GRM5: variants seen among roughly 807,000 people sequenced by gnomAD.
GRM5 encodes the protein glutamate metabotropic receptor 5.
In GRM5, 19 loss-of-function variants were observed where a neutral mutation model predicts 83.1. That is an observed-to-expected ratio of 0.23 (90% confidence interval 0.16 to 0.34). GRM5 has a LOEUF of 0.34. Ranked by LOEUF, GRM5 falls within the 10% of genes least tolerant of loss-of-function variation. The pLI is 1.00. For missense variants in GRM5, 1,160 were observed against 1,588.3 expected (o/e 0.73, Z 4.58); for synonymous variants, 675 against 633.6 (o/e 1.07, Z -0.98).
At chr11:88,928,144 A>G (rs1249511348) in intron 2 of GRM5, among the ~76,000 whole-genome samples, 1 of 152,160 alleles carries the variant, frequency 6.6e-6, no homozygotes, top group Non-Finnish European at 1.5e-5. Context: ...GGTAAAAGGC[A>G]TCTGATTCTC....
At chr11:89,058,124 G>T (rs982231888) in intron 1 of GRM5, among the ~76,000 whole-genome samples, 1 of 152,132 alleles carries the variant, frequency 6.6e-6, no homozygotes, top group Non-Finnish European at 1.5e-5. Flanking sequence ...CTCATGCATT[G>T]ATTGCAAAGC....
At chr11:88,590,026 A>C (rs564574037) in intron 7 of GRM5, among the ~76,000 whole-genome samples, 1 of 152,300 alleles carries the variant, frequency 6.6e-6, no homozygotes, top group South Asian at 2.1e-4. Flanking sequence ...CATATTCTTT[A>C]ACATCTGTTG....
chr11:89,039,621 G>T (rs935148655), intron 2 of GRM5, among the ~76,000 whole-genome samples: 2 of 152,222 alleles, frequency 1.3e-5, no homozygotes, highest in Admixed American at 6.5e-5. Flanking sequence ...GCTGGCCAGA[G>T]TGAACCTAGC....
chr11:89,058,886 AAATT>A (rs1476369996), intron 1 of GRM5, among the ~76,000 whole-genome samples: 2 of 152,014 alleles, frequency 1.3e-5, no homozygotes, highest in African/African-American at 4.8e-5. Flanking sequence ...ATAACTTTAT[AAATT>A]AATTTACATG....
chr11:88,843,066 G>A (rs1944232350), intron 3 of GRM5, among the ~76,000 whole-genome samples: 1 of 152,024 alleles, frequency 6.6e-6, no homozygotes, highest in Non-Finnish European at 1.5e-5. Context: ...CCTTTTTATT[G>A]CACTTGATTT....
At chr11:88,595,192 G>A (rs1019449960) in intron 6 of GRM5, among the ~76,000 whole-genome samples, 3 of 151,792 alleles carry the variant, frequency 2.0e-5, no homozygotes, top group South Asian at 4.2e-4. Context: ...CACATATAAC[G>A]ATCAGATCAG....
chr11:88,896,218 C>T (rs1945226172), intron 2 of GRM5, among the ~76,000 whole-genome samples: 3 of 151,758 alleles, frequency 2.0e-5, no homozygotes. Context: ...CTGTTTCCAA[C>T]ACTTGTGCAT....
intron 3 of GRM5, among the ~76,000 whole-genome samples, chr11:88,734,313 T>C (rs1941866123): frequency 6.6e-6 from 1 of 151,988 alleles, no homozygotes; most frequent in Admixed American, 6.6e-5. Context: ...CCTGTTATTA[T>C]TATGTTTTAA....
chr11:88,852,173 T>TA (rs1944399403), intron 2 of GRM5, among the ~76,000 whole-genome samples: 1 of 152,166 alleles, frequency 6.6e-6, no homozygotes, highest in East Asian at 1.9e-4. Context: ...AAAAGACATC[T>TA]AAAAAATTCA....
chr11:89,017,198 C>A (rs928787141), intron 2 of GRM5, among the ~76,000 whole-genome samples: 1 of 152,096 alleles, frequency 6.6e-6, no homozygotes, highest in Admixed American at 6.5e-5. Flanking sequence ...TCTGGTATGA[C>A]CCTCAGACCA....
chr11:88,658,500 A>G (rs1324800357), intron 3 of GRM5, among the ~76,000 whole-genome samples: 2 of 152,178 alleles, frequency 1.3e-5, no homozygotes, highest in African/African-American at 4.8e-5. Flanking sequence ...GAGAAAAAAC[A>G]TGAGTTAAAT....
chr11:88,979,219 C>A (rs907842986), intron 2 of GRM5, among the ~76,000 whole-genome samples: 1 of 152,086 alleles, frequency 6.6e-6, no homozygotes, highest in Non-Finnish European at 1.5e-5. Flanking sequence ...CTGAGAAAAA[C>A]CAGTCTTTTA....
At chr11:88,995,832 C>T (rs1425179908) in intron 2 of GRM5, among the ~76,000 whole-genome samples, 1 of 151,964 alleles carries the variant, frequency 6.6e-6, no homozygotes, top group Non-Finnish European at 1.5e-5. Flanking sequence ...AATAAAATAT[C>T]TACAAATGTA....
In GRM5 at chr11:89,014,608, T is replaced by C. The variant is rs577105513; in HGVS notation, c.661+32604A>G. Among the ~76,000 whole-genome samples, 250 of 152,250 alleles carry C rather than the reference T, an allele frequency of 1.6e-3. 1 individual carries two copies. The highest frequency in any genetic ancestry group is 5.7e-3 in the African/African-American group (235 of 41,546). On this transcript the variant is annotated intron_variant, in intron 2 of 9. Coordinates refer to ENST00000305447, the MANE Select transcript of GRM5 (RefSeq NM_001143831.3). ...AGAAAGAATGAATAAGACCTACTATTTGATAGCACAACAGGGTGACTATAG... is the reference window on the plus strand; with the variant it reads ...AGAAAGAATGAATAAGACCTACTATCTGATAGCACAACAGGGTGACTATAG...
chr11:89,014,687 GT>G (rs926780336), intron 2 of GRM5, among the ~76,000 whole-genome samples: 1 of 152,152 alleles, frequency 6.6e-6, no homozygotes, highest in Admixed American at 6.6e-5. Context: ...CAATTGGATT[GT>G]TTGTAACTCA....
intron 2 of GRM5, among the ~76,000 whole-genome samples, chr11:88,971,868 G>A (rs1258473644): frequency 1.3e-5 from 2 of 152,108 alleles, no homozygotes; most frequent in Non-Finnish European, 2.9e-5. Context: ...AAGAGTACCT[G>A]ACTCCAGGGC....
intron 2 of GRM5, among the ~76,000 whole-genome samples, chr11:89,029,384 G>A (rs1490301989): frequency 6.6e-6 from 1 of 152,166 alleles, no homozygotes; most frequent in East Asian, 1.9e-4. Context: ...AACAAAGTCA[G>A]ATAAATTAAC....
chr11:89,060,216 G>A (rs1350286090), intron 1 of GRM5, among the ~76,000 whole-genome samples: 1 of 151,440 alleles, frequency 6.6e-6, no homozygotes, highest in Admixed American at 6.6e-5. Context: ...TTTTGCGTAT[G>A]TATGTATATA....
At chr11:88,675,334 T>C (rs577007071) in intron 3 of GRM5, among the ~76,000 whole-genome samples, 6 of 151,958 alleles carry the variant, frequency 3.9e-5, no homozygotes, top group East Asian at 1.9e-4. Flanking sequence ...GTCTTTAATA[T>C]TGAGTAAATG....
Sources: gnomAD v4.1 joint callset for allele counts (sites outside exome capture counted in the v4.1 genomes callset) on GRCh38, gnomAD v4.1.1 for gene constraint, MANE v1.5 for transcripts, NCBI Gene and HGNC (gene_info 2026-07-23, HGNC 2026-07-21) for gene names.